The following SLC27A2 variants were observed in gnomAD, a reference collection of about 807,000 sequenced individuals.
The protein encoded by SLC27A2 is solute carrier family 27 member 2.
In SLC27A2, 54 loss-of-function variants were observed where a neutral mutation model predicts 60.0. That is an observed-to-expected ratio of 0.90 (90% CI 0.72 to 1.13). The LOEUF is 1.13. Ranked by LOEUF, SLC27A2 falls within the 50% of genes most tolerant of loss-of-function variation. The pLI, the probability that SLC27A2 is intolerant of heterozygous loss-of-function variation, is 0.00. For missense variants in SLC27A2, 739 were observed against 777.6 expected, an observed-to-expected ratio of 0.95 and a Z score of 0.59; for synonymous variants, 297 against 297.6, an observed-to-expected ratio of 1.00 and a Z score of 0.02.
chr15:50,216,231 G>A (rs548806260), intron 4 of SLC27A2, among the ~76,000 whole-genome samples: 35 of 152,186 alleles, frequency 2.3e-4, no homozygotes, highest in African/African-American at 8.4e-4. Context: ...AATGATCAGG[G>A]AAATGCAAAT....
rs2045114720 is a variant in SLC27A2, at chr15:50,206,622, T to C, written c.972+1259T>C. Among the ~76,000 whole-genome samples, 5 of 152,282 alleles carry C rather than the reference T, an allele frequency of 3.3e-5. No individual in the cohort carries two copies. In the South Asian group the frequency reaches 1.0e-3, roughly 32 times the overall value. ...CTGTCCAGCTTGTCACTGCATTTCA[T>C]GGCACCTGTCACTCCTGACATAGTA... On this transcript the variant is annotated intron_variant, in intron 4 of 9. Transcript: ENST00000267842.
At chr15:50,183,065 T>C (rs1482727395) in intron 1 of SLC27A2, among the ~76,000 whole-genome samples, 160 bp downstream of exon 1, 1 of 152,186 alleles carries the variant, frequency 6.6e-6, no homozygotes, top group African/African-American at 2.4e-5. Flanking sequence ...AATAATGATC[T>C]TTTAGGACCA....
At position 50,182,253 on chromosome 15, in the gene SLC27A2, G is replaced by T. The variant is rs575699198; in HGVS notation, c.-175G>T. Reference sequence around the variant, plus strand: ...CGACTACACCTGCTCCGGAGCCCGCGGCGGTACCTGCAGCGGAGGAGCTCT... The same window carrying T: ...CGACTACACCTGCTCCGGAGCCCGCTGCGGTACCTGCAGCGGAGGAGCTCT... On this transcript the variant is annotated 5_prime_UTR_variant, in exon 1 of 10. Transcript: ENST00000267842. 3 of 1,043,348 alleles carry T rather than the reference G, an allele frequency of 2.9e-6. No homozygotes were observed. In the South Asian group the frequency reaches 1.0e-4, roughly 36 times the overall value. The allele number at this position is 1,043,348 out of a possible 1,614,324, so 64.6% of individuals were successfully genotyped here. A position where few individuals can be genotyped will look rare whatever the true frequency, so the allele number is the denominator to read the frequency against.
At chr15:50,183,818 C>T (rs2044895140) in intron 1 of SLC27A2, among the ~76,000 whole-genome samples, 1 of 151,942 alleles carries the variant, frequency 6.6e-6, no homozygotes, top group Non-Finnish European at 1.5e-5. Flanking sequence ...GCCGAGGAGC[C>T]TCAGCTTTCT....
intron 4 of SLC27A2, among the ~76,000 whole-genome samples, chr15:50,222,654 G>T (rs2045251511): frequency 1.3e-5 from 2 of 152,144 alleles, no homozygotes; most frequent in Non-Finnish European, 2.9e-5. Flanking sequence ...TTAAATGTTG[G>T]CATCACCTGG....
At chr15:50,223,869 G>C (rs936918883) in intron 5 of SLC27A2, among the ~76,000 whole-genome samples, 1 of 152,182 alleles carries the variant, frequency 6.6e-6, no homozygotes, top group African/African-American at 2.4e-5. Context: ...CCTCTGGGCA[G>C]CTCATCCTTT....
chr15:50,199,260 G>T (rs1230138391), intron 2 of SLC27A2, among the ~76,000 whole-genome samples: 1 of 151,274 alleles, frequency 6.6e-6, no homozygotes, highest in African/African-American at 2.4e-5. Context: ...AGATCACGAG[G>T]TCAGGAGATC....
intron 4 of SLC27A2, among the ~76,000 whole-genome samples, chr15:50,214,591 CCAA>C (rs1291679387): frequency 2.0e-5 from 3 of 152,118 alleles, no homozygotes; most frequent in African/African-American, 7.2e-5. Flanking sequence ...CTAGCCAAAT[CCAA>C]CAACATATCA....
Position 50,233,931 on chromosome 15 carries a change from A to G in SLC27A2, c.1619A>G (p.Lys540Arg), listed in dbSNP as rs775167462. The G allele has an allele frequency of 6.2e-7, 1 of 1,614,004 alleles. No individual in the cohort carries two copies. Among genetic ancestry groups the G allele is most frequent in the Non-Finnish European group, 8.5e-7 (1 of 1,179,848 alleles). ...AAAGAAAACCATGAATTTGATGGAA[A>G]GAAACTCTTTCAGCACATTGCTGAT... ...KMKENHEFDG[K>R]KLFQHIADYL... Residue 540 changes from lysine to arginine, a missense_variant, in exon 9 of 10, where the codon AAG (lysine) becomes AGG (arginine). By Grantham distance (26) the Lys-to-Arg change is conservative (BLOSUM62 2). Coordinates refer to ENST00000267842, the MANE Select transcript of SLC27A2 (RefSeq NM_003645.4).
Position 50,186,350 on chromosome 15 carries a change from C to G in SLC27A2, c.478+3445C>G, listed in dbSNP as rs150928814. 8.6e-3 allele frequency among the ~76,000 whole-genome samples: 1,313 copies of G among 152,280 alleles called. 15 individuals are homozygous for G. The highest frequency in any genetic ancestry group is 0.03 in the African/African-American group (1,265 of 41,546). The stretch of plus-strand genomic sequence containing the variant: ...TTTTATAAGAAACCCCACCGCCAAC[C>G]CTAGGTGATTTTGAAACAAATGGTC... On this transcript the variant is annotated intron_variant, in intron 1 of 9. Transcript: ENST00000267842.
At chr15:50,202,991 G>A (rs1394004208) in intron 3 of SLC27A2, among the ~76,000 whole-genome samples, 2 of 143,804 alleles carry the variant, frequency 1.4e-5, no homozygotes, top group African/African-American at 5.2e-5. Context: ...ACCAGCCTGG[G>A]CAACATAGCA....
intron 1 of SLC27A2, among the ~76,000 whole-genome samples, chr15:50,188,811 T>C (rs551156087): frequency 1.3e-5 from 2 of 152,150 alleles, no homozygotes; most frequent in South Asian, 4.2e-4. Context: ...AATACAAAAA[T>C]TAGTCGGGCA....
chr15:50,182,844 C>A lies in SLC27A2; in HGVS notation c.417C>A (p.Arg139=). Residue 139 remains arginine (R), a synonymous_variant, in exon 1 of 10, where the codon CGC becomes CGA. Coordinates refer to ENST00000267842, the MANE Select transcript of SLC27A2 (RefSeq NM_003645.4). ...TGGCGTGCCTCAATTACAACATCCG[C>A]GCGAAGTCCCTGCTGCACTGCTTCC... ...CAMACLNYNI[R]AKSLLHCFQC... The A allele has an allele frequency of 6.2e-7, 1 of 1,613,250 alleles. No individual in the cohort carries two copies.
intron 1 of SLC27A2, among the ~76,000 whole-genome samples, chr15:50,185,480 C>G (rs529996697): frequency 1.7e-4 from 26 of 152,018 alleles, no homozygotes; most frequent in African/African-American, 6.3e-4. Flanking sequence ...TGGACTGATT[C>G]TTAGAATTCT....
intron 9 of SLC27A2, among the ~76,000 whole-genome samples, chr15:50,234,645 T>G (rs912479488): frequency 6.0e-5 from 9 of 150,240 alleles, no homozygotes; most frequent in Non-Finnish European, 1.3e-4. Flanking sequence ...TGTAGTCTCA[T>G]CTACGTGGGA....
At chr15:50,225,155 C>T (rs2045270438) in intron 5 of SLC27A2, among the ~76,000 whole-genome samples, 1 of 152,098 alleles carries the variant, frequency 6.6e-6, no homozygotes. Context: ...TAGCTGTCTG[C>T]TAATACTAAA....
chr15:50,233,643 C>T (rs922644862), intron 8 of SLC27A2, among the ~76,000 whole-genome samples: 12 of 152,178 alleles, frequency 7.9e-5, no homozygotes, highest in Non-Finnish European at 1.8e-4. Flanking sequence ...CAATACAACA[C>T]ACTTAGTATA....
At chr15:50,206,846 GT>G (rs1472771403) in intron 4 of SLC27A2, among the ~76,000 whole-genome samples, 1 of 152,092 alleles carries the variant, frequency 6.6e-6, no homozygotes, top group Non-Finnish European at 1.5e-5. Context: ...GAGCTAAAAT[GT>G]TTCCCCAAAA....
At chr15:50,218,545 A>C (rs532209253) in intron 4 of SLC27A2, among the ~76,000 whole-genome samples, 2 of 152,320 alleles carry the variant, frequency 1.3e-5, no homozygotes, top group African/African-American at 4.8e-5. Context: ...TGAAAGTTTG[A>C]CTGTCAGTAG....
Sources: gnomAD v4.1 joint callset for allele counts (sites outside exome capture counted in the v4.1 genomes callset) on GRCh38, gnomAD v4.1.1 for gene constraint, MANE v1.5 for transcripts, NCBI Gene and HGNC (gene_info 2026-07-23, HGNC 2026-07-21) for gene names.